The following RABL3 variants were observed in gnomAD, a reference collection of about 807,000 sequenced individuals.
RABL3 encodes RAB, member of RAS oncogene family like 3.
In RABL3, 31 loss-of-function variants were observed where a neutral mutation model predicts 31.8. The ratio of observed to expected loss-of-function variants is 0.97; its 90% CI spans 0.73 to 1.31. The LOEUF (loss-of-function observed/expected upper bound fraction) is 1.31, where lower values mean the gene tolerates loss of function less well. Ranked by LOEUF, RABL3 falls within the 40% of genes most tolerant of loss-of-function variation. RABL3 has a pLI of 0.00. For missense variants in RABL3, 263 were observed against 279.6 expected (o/e 0.94, Z 0.42); for synonymous variants, 97 against 99.9 (o/e 0.97, Z 0.18).
At position 120,727,460 on chromosome 3, in the gene RABL3, C is replaced by T. The variant is rs1052752800; in HGVS notation, c.138+3236G>A. On this transcript the variant is annotated intron_variant, in intron 2 of 7. Transcript: ENST00000273375. ...TATTTTCTTTAATGTTACTTAAAAA[C>T]TTCCCGCAAAGAAAAACTTAGGTCC... Among the ~76,000 whole-genome samples the T allele has an allele frequency of 4.6e-5, 7 of 151,958 alleles. No individual in the cohort carries two copies. In the South Asian group the frequency reaches 1.4e-3, roughly 31 times the overall value.
intron 2 of RABL3, among the ~76,000 whole-genome samples, chr3:120,717,070 T>C (rs552981221): frequency 9.2e-5 from 14 of 152,112 alleles, no homozygotes; most frequent in Non-Finnish European, 1.3e-4. Flanking sequence ...CTGGCCAACA[T>C]TGTGAAACCC....
chr3:120,725,544 A>G (rs1708807641), intron 2 of RABL3, among the ~76,000 whole-genome samples: 1 of 152,238 alleles, frequency 6.6e-6, no homozygotes, highest in Non-Finnish European at 1.5e-5. Context: ...CTTGGAACCA[A>G]CCCAAATGTC....
intron 1 of RABL3, among the ~76,000 whole-genome samples, chr3:120,735,965 T>C (rs1055299229): frequency 7.9e-5 from 12 of 152,214 alleles, no homozygotes; most frequent in Non-Finnish European, 1.3e-4. Flanking sequence ...TTATTCCAAC[T>C]GTGTGGTCAG....
intron 2 of RABL3, among the ~76,000 whole-genome samples, chr3:120,728,543 T>A (rs895568124): frequency 6.6e-6 from 1 of 152,088 alleles, no homozygotes; most frequent in African/African-American, 2.4e-5. Context: ...TGCCACTGAA[T>A]TTAGGAAGAT....
intron 6 of RABL3, among the ~76,000 whole-genome samples, chr3:120,692,159 G>T (rs959040741): frequency 1.3e-5 from 2 of 152,102 alleles, no homozygotes; most frequent in Non-Finnish European, 2.9e-5. Context: ...AGTTGAAAGA[G>T]GCTGGAGAAG....
Position 120,685,832 on chromosome 3 carries a change from T to C in RABL3, c.*3991A>G, listed in dbSNP as rs1465341731. Among the ~76,000 whole-genome samples the C allele has an allele frequency of 6.6e-6, 1 of 152,196 alleles. No homozygotes were observed. The highest frequency in any genetic ancestry group is 2.4e-5 in the African/African-American group (1 of 41,450). On this transcript the variant is annotated 3_prime_UTR_variant, in exon 8 of 8. Coordinates refer to ENST00000273375, the MANE Select transcript of RABL3 (RefSeq NM_173825.5). ...GCATGAGAAAAATCTGGCTTGTCTG[T>C]TAAAAATACAAAATCCTGGCCTTAT...
chr3:120,701,809 G>A (rs190309723), intron 4 of RABL3, among the ~76,000 whole-genome samples: 1 of 152,242 alleles, frequency 6.6e-6, no homozygotes, highest in African/African-American at 2.4e-5. Flanking sequence ...AGAAAATGGG[G>A]TTCTGTTCTA....
intron 4 of RABL3, among the ~76,000 whole-genome samples, chr3:120,704,115 C>A (rs763310107): frequency 2.6e-5 from 4 of 152,200 alleles, no homozygotes; most frequent in African/African-American, 7.2e-5. Flanking sequence ...CAGAAAACTA[C>A]ACACCAATGC....
chr3:120,735,996 G>T (rs1289435750), intron 1 of RABL3, among the ~76,000 whole-genome samples: 2 of 152,202 alleles, frequency 1.3e-5, no homozygotes, highest in Non-Finnish European at 2.9e-5. Flanking sequence ...AGTGTGATGT[G>T]GTGCTGAGAA....
rs1339875692 is a variant in RABL3 at position 120,706,073 on chromosome 3, G to T, written c.310C>A (p.Gln104Lys). ...VHDLTNKKSS[Q>K]NLRRWSLEAL... ...TCCAATGACCAACGACGCAAGTTTT[G>T]GGAGGACTTCTTATTTGTTAAGTCG... Residue 104 changes from glutamine (Q) to lysine (K), a missense_variant, in exon 4 of 8, where the codon CAA becomes AAA. Physicochemically the swap from Gln to Lys is moderately conservative, Grantham distance 53. Transcript: ENST00000273375. 1 of 1,613,662 alleles carries T rather than the reference G, an allele frequency of 6.2e-7. No homozygotes were observed. The highest frequency in any genetic ancestry group is 8.5e-7 in the Non-Finnish European group (1 of 1,179,668).
At chr3:120,730,987 G>A (rs1363909228) in intron 1 of RABL3, among the ~76,000 whole-genome samples, 200 bp from the exon 2 acceptor site, 2 of 152,188 alleles carry the variant, frequency 1.3e-5, no homozygotes, top group East Asian at 1.9e-4. Flanking sequence ...AGAATCACCC[G>A]GAGGGTGAGT....
chr3:120,737,927 G>T (rs1708991449), intron 1 of RABL3, among the ~76,000 whole-genome samples: 1 of 152,250 alleles, frequency 6.6e-6, no homozygotes. Context: ...TGAGGTGTCA[G>T]TCTGCCCCTA....
intron 1 of RABL3, among the ~76,000 whole-genome samples, chr3:120,741,642 GGT>G (rs1559826837): frequency 6.6e-6 from 1 of 152,050 alleles, no homozygotes; most frequent in Non-Finnish European, 1.5e-5. Context: ...AAATGTCCCA[GGT>G]GTCAAAAGAA....
chr3:120,724,211 A>G (rs1378543905), intron 2 of RABL3, among the ~76,000 whole-genome samples: 1 of 152,234 alleles, frequency 6.6e-6, no homozygotes, highest in Non-Finnish European at 1.5e-5. Context: ...TGCTTCAAAG[A>G]GAATAAAATA....
intron 2 of RABL3, among the ~76,000 whole-genome samples, chr3:120,715,997 C>T (rs992008919): frequency 1.3e-5 from 2 of 152,144 alleles, no homozygotes; most frequent in African/African-American, 4.8e-5. Flanking sequence ...CCAAAGTAAG[C>T]AATAAAAAGT....
At chr3:120,732,016 A>C (rs909681237) in intron 1 of RABL3, among the ~76,000 whole-genome samples, 7 of 152,192 alleles carry the variant, frequency 4.6e-5, no homozygotes, top group Admixed American at 4.6e-4. Context: ...CTATGATCAC[A>C]CTGCTGTACT....
At chr3:120,737,353 T>C (rs1388501356) in intron 1 of RABL3, among the ~76,000 whole-genome samples, 1 of 152,254 alleles carries the variant, frequency 6.6e-6, no homozygotes, top group Non-Finnish European at 1.5e-5. Flanking sequence ...GTAGTTCTTG[T>C]GCCATGGTTT....
intron 2 of RABL3, among the ~76,000 whole-genome samples, chr3:120,721,780 G>C (rs968064114): frequency 2.6e-5 from 4 of 152,154 alleles, no homozygotes; most frequent in Non-Finnish European, 4.4e-5. Context: ...GAGACAGAAA[G>C]TTAACAAGGA....
rs1176653327 is a variant in RABL3 at position 120,686,345 on chromosome 3, A to G, written c.*3478T>C. Among the ~76,000 whole-genome samples, 1 of 152,208 alleles carries G rather than the reference A, an allele frequency of 6.6e-6. No homozygotes were observed. On this transcript the variant is annotated 3_prime_UTR_variant, in exon 8 of 8. Transcript: ENST00000273375. ...AAGCCACCATCTAGTAACCCATACA[A>G]GGTCCTACCTATGGTGGGTGCTACT...
Sources: gnomAD v4.1 joint callset for allele counts (sites outside exome capture counted in the v4.1 genomes callset) on GRCh38, gnomAD v4.1.1 for gene constraint, MANE v1.5 for transcripts, NCBI Gene and HGNC (gene_info 2026-07-23, HGNC 2026-07-21) for gene names.